CACNA1C: variants seen among roughly 807,000 people sequenced by gnomAD.
CACNA1C encodes voltage-dependent L-type calcium channel subunit alpha-1C.
Under a neutral mutation model 229.0 loss-of-function variants are expected in CACNA1C, and 30 were observed. That is an observed-to-expected ratio of 0.13 (90% CI 0.10 to 0.18). The LOEUF (loss-of-function observed/expected upper bound fraction) is 0.18, where lower values mean the gene tolerates loss of function less well. Among genes scored for constraint, CACNA1C ranks in the 10% least tolerant of loss-of-function variants. CACNA1C has a pLI of 1.00. For synonymous variants in CACNA1C, 1,114 were observed against 1,132.5 expected (o/e 0.98, Z 0.33); for missense variants, 1,658 against 2,845.0 (o/e 0.58, Z 9.49).
In CACNA1C at chr12:2,630,167, T is replaced by C. The variant is rs1254993516; in HGVS notation, c.3829-4130T>C. Among the ~76,000 whole-genome samples the C allele has an allele frequency of 6.6e-6, 1 of 152,198 alleles. No individual in the cohort carries two copies. The highest frequency in any genetic ancestry group is 2.4e-5 in the African/African-American group (1 of 41,446). On this transcript the variant is annotated intron_variant, in intron 29 of 46. Transcript: ENST00000399655. The surrounding 1 kb of genome is among the most constrained non-coding windows in gnomAD (Gnocchi z 5.4). ...AACCCTTTCTCCAACCCCTTACTTCTCAACCATTTGGGACACAGTCACCAG... is the reference window on the plus strand; with the variant it reads ...AACCCTTTCTCCAACCCCTTACTTCCCAACCATTTGGGACACAGTCACCAG...
intron 32 of CACNA1C, among the ~76,000 whole-genome samples, chr12:2,652,550 C>T (rs541993413): frequency 2.2e-4 from 33 of 152,248 alleles, no homozygotes; most frequent in South Asian, 4.1e-4. Context: ...CTTTCCAAGA[C>T]GAGAATCTGT....
rs1044303687 is a variant in CACNA1C, at chr12:2,581,265, A to G, written c.1896-325A>G. Among the ~76,000 whole-genome samples, 14 of 152,124 alleles carry G rather than the reference A, an allele frequency of 9.2e-5. 1 individual carries two copies. The highest frequency in any genetic ancestry group is 2.4e-5 in the African/African-American group (1 of 41,420). ...TGAAGCAAGGGCTACAACAATCTCC[A>G]TTTTTTTGATGGGGATGCAGAAGGC... On this transcript the variant is annotated intron_variant, in intron 13 of 46. Transcript: ENST00000399655.
chr12:1,991,397 G>A (rs1054159141), intron 1 of CACNA1C: 10 of 251,956 alleles, frequency 4.0e-5, no homozygotes, highest in East Asian at 1.0e-4. Flanking sequence ...GAAATATGAG[G>A]GGAACCACGA....
intron 37 of CACNA1C, among the ~76,000 whole-genome samples, chr12:2,668,154 C>T (rs2096332349): frequency 6.6e-6 from 1 of 152,246 alleles, no homozygotes; most frequent in Non-Finnish European, 1.5e-5. Flanking sequence ...CGAATGCTGC[C>T]TGGCAGGTGG....
Position 2,403,934 on chromosome 12 carries a change from G to A in CACNA1C, c.478-45042G>A, listed in dbSNP as rs1475278136. 6.6e-6 allele frequency among the ~76,000 whole-genome samples: 1 copy of A among 152,204 alleles called. No individual in the cohort carries two copies. The highest frequency in any genetic ancestry group is 1.9e-4 in the East Asian group (1 of 5,184). On this transcript the variant is annotated intron_variant, in intron 3 of 46. Coordinates refer to ENST00000399655, the MANE Select transcript of CACNA1C (RefSeq NM_000719.7). The surrounding 1 kb of genome is among the most constrained non-coding windows in gnomAD (Gnocchi z 4.1). ...GAAAGACTTAATGATTCTCACCCTT[G>A]AAAGTGTGTACAGAAATCCTCTAGT...
intron 4 of CACNA1C, among the ~76,000 whole-genome samples, chr12:2,452,100 G>C (rs2099384366): frequency 1.3e-5 from 2 of 152,150 alleles, no homozygotes; most frequent in African/African-American, 2.4e-5. Context: ...TGTAGCTGTA[G>C]GGGAAGGTTT....
chr12:1,971,214 A>G lies in CACNA1C; in HGVS notation c.139+13A>G, dbSNP rs1370257587. On this transcript the variant is annotated intron_variant, in intron 1 of 46. Transcript: ENST00000682462. This position sits in a 1 kb window ranked among gnomAD's most constrained non-coding sequence, Gnocchi z 4.2. ...ATCTCTCCTGGAGGTAAGAAACCCT[A>G]AAGTGAAATAAAGAGTAGGAAGAAC... 5.5e-6 allele frequency: 7 copies of G among 1,269,800 alleles called. No individual in the cohort carries two copies. In the African/African-American group the frequency reaches 9.2e-5, roughly 17 times the overall value. The allele number at this position is 1,269,800 out of a possible 1,614,324, so 78.7% of individuals were successfully genotyped here. A position where few individuals can be genotyped will look rare whatever the true frequency, so the allele number is the denominator to read the frequency against.
intron 3 of CACNA1C, among the ~76,000 whole-genome samples, chr12:2,255,501 A>T (rs1247509114): frequency 1.3e-5 from 2 of 152,226 alleles, no homozygotes; most frequent in Admixed American, 1.3e-4. Flanking sequence ...TCCCTGGCAC[A>T]GCAAGAAGGC....
intron 3 of CACNA1C, among the ~76,000 whole-genome samples, chr12:2,435,454 G>T (rs1316536292): frequency 5.3e-5 from 8 of 152,208 alleles, no homozygotes; most frequent in Non-Finnish European, 1.0e-4. Flanking sequence ...AGTGCTCTCA[G>T]GGTGGGCCCT....
chr12:2,089,504 AG>A (rs2069297124), intron 1 of CACNA1C, among the ~76,000 whole-genome samples: 1 of 152,204 alleles, frequency 6.6e-6, no homozygotes, highest in Non-Finnish European at 1.5e-5. Context: ...GGAATAAAAC[AG>A]GTTGTGATGA....
At chr12:2,345,609 G>C (rs934227809) in intron 3 of CACNA1C, among the ~76,000 whole-genome samples, 1 of 152,152 alleles carries the variant, frequency 6.6e-6, no homozygotes, top group Non-Finnish European at 1.5e-5. Flanking sequence ...CTAGAAAGTG[G>C]CACGGCTGGA....
At chr12:2,328,714 T>A (rs1444140715) in intron 3 of CACNA1C, among the ~76,000 whole-genome samples, 1 of 152,226 alleles carries the variant, frequency 6.6e-6, no homozygotes, top group Middle Eastern at 3.2e-3. Flanking sequence ...TTATTCGCCA[T>A]CTTGGTGCAA....
rs767019621 is a variant in CACNA1C at position 1,993,111 on chromosome 12, C to T, written c.139+21910C>T. 23 of 935,628 alleles carry T rather than the reference C, an allele frequency of 2.5e-5. No homozygotes were observed. In the African/African-American group the frequency reaches 3.4e-4, roughly 14 times the overall value. 58.0% of individuals were successfully genotyped at this position (935,628 alleles called of 1,614,324 possible). The stretch of plus-strand genomic sequence containing the variant: ...GGAAGAATCTATTCCATCATTAGGG[C>T]ATGCATTTCCTAAACATTAACATTT... On this transcript the variant is annotated intron_variant, in intron 1 of 46. Coordinates refer to the CACNA1C transcript ENST00000682462.
At chr12:2,307,069 C>T (rs1325956194) in intron 3 of CACNA1C, among the ~76,000 whole-genome samples, 1 of 152,198 alleles carries the variant, frequency 6.6e-6, no homozygotes, top group Admixed American at 6.5e-5. Flanking sequence ...GGCACCCCTG[C>T]CAGCCAGTTC....
chr12:2,286,532 T>C (rs1002432988), intron 3 of CACNA1C, among the ~76,000 whole-genome samples: 5 of 152,044 alleles, frequency 3.3e-5, no homozygotes, highest in African/African-American at 1.2e-4. Flanking sequence ...TGCTTTGCAG[T>C]AGTTCTGGCT....
intron 1 of CACNA1C, among the ~76,000 whole-genome samples, chr12:2,105,689 C>T (rs1414139584): frequency 4.6e-5 from 6 of 131,112 alleles, no homozygotes; most frequent in Admixed American, 7.2e-5. Flanking sequence ...GCGCCCACCC[C>T]GGGGAGGGTT....
chr12:2,560,249 A>G (rs1437826590), intron 11 of CACNA1C, among the ~76,000 whole-genome samples: 2 of 152,234 alleles, frequency 1.3e-5, no homozygotes, highest in East Asian at 3.8e-4. Flanking sequence ...AATGCCACCA[A>G]CGTTTTCAAA....
intron 3 of CACNA1C, among the ~76,000 whole-genome samples, chr12:2,321,766 C>T (rs576633549): frequency 6.6e-6 from 1 of 152,290 alleles, no homozygotes; most frequent in South Asian, 2.1e-4. Flanking sequence ...ATGTGAAGAT[C>T]TGGAGGAGAA....
At chr12:2,578,163 C>T (rs563544581) in intron 13 of CACNA1C, among the ~76,000 whole-genome samples, 8 of 152,186 alleles carry the variant, frequency 5.3e-5, no homozygotes, top group South Asian at 2.1e-4. Context: ...CCACCGCGCC[C>T]GGCCAGAAGT....
Sources: gnomAD v4.1 joint callset for allele counts (sites outside exome capture counted in the v4.1 genomes callset) on GRCh38, gnomAD v4.1.1 for gene constraint, Gnocchi (gnomAD v3.1) non-coding constraint, MANE v1.5 for transcripts, NCBI Gene and HGNC (gene_info 2026-07-23, HGNC 2026-07-21) for gene names.